Variants in MPDZ observed in about 807,000 individuals in gnomAD.
MPDZ encodes multiple PDZ domain crumbs cell polarity complex component, also known as multiple PDZ domain protein.
Under a neutral mutation model 239.1 loss-of-function variants are expected in MPDZ, and 234 were observed. The ratio of observed to expected loss-of-function variants is 0.98; its 90% confidence interval spans 0.88 to 1.09. MPDZ has a LOEUF of 1.09. Ranked by LOEUF, MPDZ falls within the 50% of genes least tolerant of loss-of-function variation. The pLI is 0.00. For synonymous variants in MPDZ, 1,048 were observed against 881.3 expected, an observed-to-expected ratio of 1.19 and a Z score of -3.35; for missense variants, 3,175 against 2,510.0, an observed-to-expected ratio of 1.26 and a Z score of -5.66.
At chr9:13,237,131 T>C (rs1230016480) in intron 3 of MPDZ, among the ~76,000 whole-genome samples, 1 of 152,044 alleles carries the variant, frequency 6.6e-6, no homozygotes, top group Non-Finnish European at 1.5e-5. Context: ...ACATGTGTTT[T>C]TCATATTCCA....
chr9:13,222,629 A>C (rs933043967), intron 5 of MPDZ, among the ~76,000 whole-genome samples, 183 bp from the exon 6 acceptor site: 1 of 152,056 alleles, frequency 6.6e-6, no homozygotes, highest in African/African-American at 2.4e-5. Context: ...AACTCTCGTA[A>C]GGTTATTTCA....
chr9:13,277,390 A>T (rs1564187806), intron 1 of MPDZ, among the ~76,000 whole-genome samples: 1 of 152,168 alleles, frequency 6.6e-6, no homozygotes, highest in Non-Finnish European at 1.5e-5. Flanking sequence ...AATCTTCATT[A>T]GTTTGTTTGT....
intron 1 of MPDZ, among the ~76,000 whole-genome samples, chr9:13,256,300 A>G (rs560422740): frequency 6.6e-5 from 10 of 152,322 alleles, no homozygotes; most frequent in Admixed American, 1.3e-4. Flanking sequence ...AACTTTCTCC[A>G]TATCAACAAT....
At chr9:13,115,366 A>G in intron 39 of MPDZ, 32 bp from the exon 40 acceptor site, 1 of 1,524,840 alleles carries the variant, frequency 6.6e-7, no homozygotes, top group African/African-American at 1.4e-5. Flanking sequence ...GTTTTATGGA[A>G]ATGTTTAAAT....
Position 13,176,370 on chromosome 9 carries a change from A to G in MPDZ, c.2697T>C (p.Ser899=). 1 of 1,604,186 alleles carries G rather than the reference A, an allele frequency of 6.2e-7. No individual in the cohort carries two copies. Among genetic ancestry groups the G allele is most frequent in the Non-Finnish European group, 8.5e-7 (1 of 1,174,858 alleles). Residue 899 remains serine, a synonymous_variant, in exon 20 of 47, where the codon TCT becomes TCC. Coordinates refer to ENST00000319217, the MANE Select transcript of MPDZ (RefSeq NM_001378778.1). ...GATTCTGGGTATATAGTTCCTCCAG[A>G]GACATATGCAGATCAAGTACTGGAT... The part of the protein sequence containing the change: ...SCDPVLDLHM[S]LEELYTQNLL...
At chr9:13,138,953 T>C (rs1367601555) in intron 28 of MPDZ, among the ~76,000 whole-genome samples, 1 of 152,202 alleles carries the variant, frequency 6.6e-6, no homozygotes, top group Non-Finnish European at 1.5e-5. Flanking sequence ...CCATTACATT[T>C]TGGGGTGGCT....
chr9:13,216,986 G>A (rs140422846), intron 9 of MPDZ, 124 bp from the exon 10 acceptor site: 9 of 809,256 alleles, frequency 1.1e-5, no homozygotes, highest in Non-Finnish European at 1.7e-5. Context: ...AGAAACACAG[G>A]CTAAAGAATA....
chr9:13,145,725 C>T (rs1948341041), intron 26 of MPDZ, among the ~76,000 whole-genome samples: 1 of 152,036 alleles, frequency 6.6e-6, no homozygotes, highest in South Asian at 2.1e-4. Flanking sequence ...GCTATAAAAT[C>T]AGGTATCATT....
intron 3 of MPDZ, among the ~76,000 whole-genome samples, chr9:13,226,417 G>C (rs1054082955): frequency 1.3e-5 from 2 of 151,938 alleles, no homozygotes; most frequent in East Asian, 3.9e-4. Flanking sequence ...TGATGTTTTT[G>C]AGTCACTCTC....
At chr9:13,224,723 T>C (rs1337513228) in intron 3 of MPDZ, 140 bp from the exon 4 acceptor site, 3 of 633,278 alleles carry the variant, frequency 4.7e-6, no homozygotes, top group Non-Finnish European at 8.0e-6. Context: ...TTTTGGGAAA[T>C]TTATTTCAAG....
At position 13,129,491 on chromosome 9, in the gene MPDZ, A is replaced by G. The variant is rs571617702; in HGVS notation, c.4465-2719T>C. Among the ~76,000 whole-genome samples, 36 of 151,898 alleles carry G rather than the reference A, an allele frequency of 2.4e-4. 1 individual carries two copies. The South Asian group carries it at 7.5e-3, about 32-fold the overall frequency. ...AATAAATAAATAAATAAATAAATAA[A>G]TAAAAATAAATAAATGAAAAGAAAA... On this transcript the variant is annotated intron_variant, in intron 32 of 46. Transcript: ENST00000319217.
At chr9:13,153,884 G>C (rs934018820) in intron 24 of MPDZ, among the ~76,000 whole-genome samples, 1 of 152,104 alleles carries the variant, frequency 6.6e-6, no homozygotes, top group African/African-American at 2.4e-5. Flanking sequence ...AAATTAGAAA[G>C]TGATTCTTAT....
At position 13,107,127 on chromosome 9, in the gene MPDZ, T is replaced by A. The variant is rs374788114; in HGVS notation, c.6067-16A>T. ...AGGCTGCTCCCTGCAAATTATAAAG[T>A]AGACTTGTTTATTTCTCAAAAAATG... On this transcript the variant is annotated splice_polypyrimidine_tract_variant and intron_variant, in intron 46 of 46. Transcript: ENST00000319217. 1 of 1,543,708 alleles carries A rather than the reference T, an allele frequency of 6.5e-7. No homozygotes were observed. Among genetic ancestry groups the A allele is most frequent in the African/African-American group, 1.4e-5 (1 of 73,316 alleles).
intron 21 of MPDZ, among the ~76,000 whole-genome samples, chr9:13,170,200 T>C (rs928105985): frequency 1.3e-5 from 2 of 152,130 alleles, no homozygotes; most frequent in Non-Finnish European, 2.9e-5. Context: ...TTTAGGTTTT[T>C]ATATATTTAA....
chr9:13,158,404 T>C (rs564486574), intron 23 of MPDZ, among the ~76,000 whole-genome samples: 30 of 152,012 alleles, frequency 2.0e-4, no homozygotes, highest in Non-Finnish European at 4.0e-4. Flanking sequence ...ATGGGGAAAA[T>C]AGGATAAATA....
At chr9:13,144,051 T>C (rs1948112861) in intron 26 of MPDZ, among the ~76,000 whole-genome samples, 1 of 152,066 alleles carries the variant, frequency 6.6e-6, no homozygotes, top group African/African-American at 2.4e-5. Context: ...TTTTGCATCC[T>C]AGTAAGGAAA....
intron 10 of MPDZ, among the ~76,000 whole-genome samples, chr9:13,211,494 T>C (rs899765010): frequency 2.6e-5 from 4 of 152,132 alleles, no homozygotes; most frequent in African/African-American, 4.8e-5. Context: ...ATGAGTTTAA[T>C]TGGATTTAAA....
intron 25 of MPDZ, among the ~76,000 whole-genome samples, chr9:13,150,090 A>C (rs188963792): frequency 6.6e-6 from 1 of 152,194 alleles, no homozygotes; most frequent in African/African-American, 2.4e-5. Context: ...GTACATATAC[A>C]TATATTGTAT....
Position 13,237,187 on chromosome 9 carries a change from A to C in MPDZ, c.183+10448T>G, listed in dbSNP as rs141720143. 8.1e-3 allele frequency among the ~76,000 whole-genome samples: 1,225 copies of C among 152,110 alleles called. 8 individuals are homozygous for C. The highest frequency in any genetic ancestry group is 0.024 in the Middle Eastern group (7 of 294). ...GCCAGGAGCGGTGGTTCACGCCTGT[A>C]ATCCCAGCACTTTGGGAGGCTGAGG... On this transcript the variant is annotated intron_variant, in intron 3 of 46. Coordinates refer to ENST00000319217, the MANE Select transcript of MPDZ (RefSeq NM_001378778.1).
Sources: allele counts gnomAD v4.1 joint callset (sites outside exome capture counted in the v4.1 genomes callset), GRCh38; gene constraint gnomAD v4.1.1; transcripts MANE v1.5; gene names NCBI Gene and HGNC (gene_info 2026-07-23, HGNC 2026-07-21).